Variants in UBXN2A observed in about 807,000 individuals in gnomAD.
UBXN2A encodes UBX domain-containing protein 2A.
In UBXN2A, 28 loss-of-function variants were observed where a neutral mutation model predicts 28.4. The observed-to-expected ratio is 0.99, with a 90% CI of 0.73 to 1.35. The LOEUF is 1.35. UBXN2A is among the 40% of genes most tolerant of loss of function. The pLI is 0.00. For missense variants in UBXN2A, 253 were observed against 297.9 expected (o/e 0.85, Z 1.11); for synonymous variants, 97 against 103.6 (o/e 0.94, Z 0.39).
chr2:23,986,557 A>T (rs1252721994), intron 6 of UBXN2A, among the ~76,000 whole-genome samples: 1 of 151,952 alleles, frequency 6.6e-6, no homozygotes, highest in East Asian at 1.9e-4. Context: ...CCACTCAGAG[A>T]TAATCAATAG....
At chr2:23,986,466 T>C (rs1305053864) in intron 6 of UBXN2A, among the ~76,000 whole-genome samples, 6 of 152,128 alleles carry the variant, frequency 3.9e-5, no homozygotes, top group Non-Finnish European at 8.8e-5. Context: ...TAGCATTATA[T>C]GCATATCCTT....
chr2:23,974,045 C>T (rs1171382263), intron 3 of UBXN2A, among the ~76,000 whole-genome samples: 7 of 142,812 alleles, frequency 4.9e-5, no homozygotes, highest in East Asian at 4.1e-4. Flanking sequence ...GACGGAGTCT[C>T]GCTCTGTCGC....
chr2:23,950,730 GT>G (rs1340177498), intron 1 of UBXN2A, among the ~76,000 whole-genome samples: 2 of 143,406 alleles, frequency 1.4e-5, no homozygotes, highest in East Asian at 4.2e-4. Context: ...TTGAGATGAA[GT>G]TTTGCTCTTA....
chr2:23,961,676 T>C (rs1465684814), intron 2 of UBXN2A, among the ~76,000 whole-genome samples: 1 of 145,862 alleles, frequency 6.9e-6, no homozygotes, highest in African/African-American at 2.6e-5. Flanking sequence ...GCCTCCCGAG[T>C]AGCTGGGACT....
chr2:23,983,259 A>T (rs1419333542), intron 5 of UBXN2A, among the ~76,000 whole-genome samples: 1 of 152,110 alleles, frequency 6.6e-6, no homozygotes, highest in African/African-American at 2.4e-5. Context: ...TAATCCCAGC[A>T]CTTTGGGAGG....
intron 2 of UBXN2A, among the ~76,000 whole-genome samples, chr2:23,959,165 G>T (rs549754176): frequency 6.6e-6 from 1 of 152,208 alleles, no homozygotes; most frequent in Non-Finnish European, 1.5e-5. Flanking sequence ...GTATTTATAG[G>T]CTTATATAAA....
At chr2:23,975,637 TTTC>T (rs1379065067) in intron 3 of UBXN2A, among the ~76,000 whole-genome samples, 1 of 152,188 alleles carries the variant, frequency 6.6e-6, no homozygotes, top group Non-Finnish European at 1.5e-5. Flanking sequence ...TAGCATCTAC[TTTC>T]TTTTTTCGTT....
chr2:23,952,617 TGTGTCTTTA>T (rs888605976), intron 1 of UBXN2A, among the ~76,000 whole-genome samples: 2 of 151,862 alleles, frequency 1.3e-5, no homozygotes, highest in Non-Finnish European at 2.9e-5. Flanking sequence ...GCTAATTTTT[TGTGTCTTTA>T]GTAGAGACGG....
chr2:23,975,120 G>C (rs1400942424), intron 3 of UBXN2A, among the ~76,000 whole-genome samples: 1 of 152,104 alleles, frequency 6.6e-6, no homozygotes, highest in Non-Finnish European at 1.5e-5. Flanking sequence ...TGGAAGATCT[G>C]CATAATCAAG....
At chr2:23,979,321 G>A (rs1160337007) in intron 4 of UBXN2A, among the ~76,000 whole-genome samples, 2 of 151,848 alleles carry the variant, frequency 1.3e-5, no homozygotes, top group Non-Finnish European at 1.5e-5. Flanking sequence ...CTCCAGCCTG[G>A]GCGACAGAGC....
intron 1 of UBXN2A, among the ~76,000 whole-genome samples, chr2:23,949,118 T>TTC (rs1158243325): frequency 2.1e-5 from 3 of 144,328 alleles, no homozygotes; most frequent in African/African-American, 5.1e-5. Flanking sequence ...TTTTTTTTCT[T>TTC]TTTTTTTTTT....
At chr2:23,957,194 C>T (rs1706668799) in intron 1 of UBXN2A, among the ~76,000 whole-genome samples, 1 of 151,718 alleles carries the variant, frequency 6.6e-6, no homozygotes, top group East Asian at 1.9e-4. Flanking sequence ...AGCACAGTGG[C>T]ATGATGATGA....
At chr2:23,981,616 G>T (rs114277226) in intron 4 of UBXN2A, among the ~76,000 whole-genome samples, 1 of 151,646 alleles carries the variant, frequency 6.6e-6, no homozygotes, top group Non-Finnish European at 1.5e-5. Context: ...TCCTTTGGCC[G>T]GGCGTGGTGG....
At chr2:23,966,645 G>A (rs1356074537) in intron 2 of UBXN2A, among the ~76,000 whole-genome samples, 9 of 147,520 alleles carry the variant, frequency 6.1e-5, no homozygotes, top group Admixed American at 2.7e-4. Context: ...TAGAGACGGG[G>A]TTTCACCGTG....
intron 1 of UBXN2A, among the ~76,000 whole-genome samples, chr2:23,952,426 G>A (rs1401199571): frequency 1.3e-5 from 2 of 151,910 alleles, no homozygotes; most frequent in Non-Finnish European, 2.9e-5. Context: ...ACCGTGCCGG[G>A]CTAATTTATT....
intron 5 of UBXN2A, 134 bp from the exon 6 acceptor site, chr2:23,984,539 A>G: frequency 1.5e-6 from 1 of 671,138 alleles, no homozygotes; most frequent in Non-Finnish European, 2.2e-6. Flanking sequence ...TTCTGTTATT[A>G]CTGAAGAAAC....
At chr2:23,996,924 G>A (rs1419034152) in intron 6 of UBXN2A, 1 of 152,098 alleles carries the variant, frequency 6.6e-6, no homozygotes, top group Non-Finnish European at 1.5e-5. Context: ...CCCCACCTTA[G>A]GGAACCTCTT....
intron 4 of UBXN2A, among the ~76,000 whole-genome samples, chr2:23,981,054 T>G (rs1707873836): frequency 6.6e-6 from 1 of 152,180 alleles, no homozygotes; most frequent in Non-Finnish European, 1.5e-5. Flanking sequence ...TGAGTGCCTT[T>G]TAACTCAAAC....
chr2:23,971,404 A>G lies in UBXN2A; in HGVS notation c.170A>G (p.Gln57Arg). ...TCCAAATGTGTGTCTCCCGCTGAAC[A>G]GAAGAAACAGGTAAATAAATGTCTA... ...VSSKCVSPAE[Q>R]KKQVDVNIKL... The change falls in exon 3 of 7, where the codon CAG becomes CGG. Residue 57 changes from glutamine (Q) to arginine (R), a missense_variant. By Grantham distance (43) the Gln-to-Arg change is conservative. Coordinates refer to ENST00000309033, the MANE Select transcript of UBXN2A (RefSeq NM_181713.4). 1.3e-6 allele frequency: 2 copies of G among 1,541,022 alleles called. No individual in the cohort carries two copies. The highest frequency in any genetic ancestry group is 1.4e-5 in the African/African-American group (1 of 73,814).
Sources: allele counts gnomAD v4.1 joint callset (sites outside exome capture counted in the v4.1 genomes callset), GRCh38; gene constraint gnomAD v4.1.1; transcripts MANE v1.5; gene names NCBI Gene and HGNC (gene_info 2026-07-23, HGNC 2026-07-21).